AKR1A1: variants seen among roughly 807,000 people sequenced by gnomAD.
The protein encoded by AKR1A1 is aldo-keto reductase family 1 member A1.
In AKR1A1, 26 loss-of-function variants were observed where a neutral mutation model predicts 39.2. The observed-to-expected ratio is 0.66, with a 90% CI of 0.49 to 0.92. The LOEUF (loss-of-function observed/expected upper bound fraction) is 0.92, where lower values mean the gene tolerates loss of function less well. AKR1A1 is among the 40% of genes least tolerant of loss of function. The pLI is 0.00. For synonymous variants in AKR1A1, 141 were observed against 155.5 expected (o/e 0.91, Z 0.69); for missense variants, 378 against 406.5 (o/e 0.93, Z 0.60).
chr1:45,560,937 C>G (rs1279741795), intron 1 of AKR1A1, among the ~76,000 whole-genome samples: 2 of 152,126 alleles, frequency 1.3e-5, no homozygotes, highest in Non-Finnish European at 2.9e-5. Flanking sequence ...CTGAGTTAGC[C>G]AGGATGGTCT....
intron 2 of AKR1A1, 127 bp from the exon 3 acceptor site, chr1:45,566,442 T>G: frequency 7.1e-7 from 1 of 1,402,970 alleles, no homozygotes; most frequent in South Asian, 1.3e-5. Context: ...TTCCATCTTT[T>G]CACCTCCACT....
At chr1:45,565,280 A>C (rs1451354465) in intron 2 of AKR1A1, among the ~76,000 whole-genome samples, 17 of 148,200 alleles carry the variant, frequency 1.1e-4, no homozygotes, top group Non-Finnish European at 2.5e-4. Flanking sequence ...ATAGGCATGC[A>C]CCACCACGCC....
At chr1:45,561,421 T>C (rs1362240830) in intron 1 of AKR1A1, among the ~76,000 whole-genome samples, 2 of 145,486 alleles carry the variant, frequency 1.4e-5, no homozygotes, top group Non-Finnish European at 3.0e-5. Flanking sequence ...TTTGTAGTAG[T>C]GAGACAGAGT....
At chr1:45,565,785 T>G (rs1304779679) in intron 2 of AKR1A1, among the ~76,000 whole-genome samples, 1 of 151,960 alleles carries the variant, frequency 6.6e-6, no homozygotes, top group Admixed American at 6.6e-5. Flanking sequence ...TTAATTTTTT[T>G]TTTTTTTTTA....
chr1:45,557,042 T>C (rs544508662), intron 1 of AKR1A1, among the ~76,000 whole-genome samples: 26 of 150,502 alleles, frequency 1.7e-4, no homozygotes, highest in Non-Finnish European at 3.4e-4. Context: ...ATACAAAAAT[T>C]AGCTGGGCGT....
At chr1:45,568,395 A>T in intron 5 of AKR1A1, 90 bp from the exon 6 acceptor site, 1 of 1,430,084 alleles carries the variant, frequency 7.0e-7, no homozygotes, top group East Asian at 2.3e-5. Flanking sequence ...AGGAGTCAGC[A>T]ATAGGGGGTG....
intron 8 of AKR1A1, 37 bp from the exon 9 acceptor site, chr1:45,569,854 C>A (rs1003120007): frequency 2.5e-6 from 4 of 1,595,602 alleles, no homozygotes; most frequent in Non-Finnish European, 3.4e-6. Context: ...AATGGCAACT[C>A]CTGCTGATGG....
intron 1 of AKR1A1, among the ~76,000 whole-genome samples, chr1:45,554,171 A>T (rs1161429945): frequency 1.3e-5 from 2 of 152,142 alleles, no homozygotes; most frequent in East Asian, 3.9e-4. Context: ...TCACACTTAT[A>T]ATCCCAGCAC....
intron 2 of AKR1A1, among the ~76,000 whole-genome samples, chr1:45,562,094 T>G (rs1288092740): frequency 6.6e-6 from 1 of 152,098 alleles, no homozygotes; most frequent in Non-Finnish European, 1.5e-5. Context: ...TTTCTCTAAC[T>G]GGATCTGCAC....
At chr1:45,562,251 A>G (rs994588427) in intron 2 of AKR1A1, among the ~76,000 whole-genome samples, 5 of 152,108 alleles carry the variant, frequency 3.3e-5, no homozygotes, top group African/African-American at 9.7e-5. Context: ...TGCTCAGTCC[A>G]GAATTAGGCA....
chr1:45,559,579 T>C (rs548081667), intron 1 of AKR1A1, among the ~76,000 whole-genome samples: 84 of 152,068 alleles, frequency 5.5e-4, no homozygotes, highest in African/African-American at 2.0e-3. Flanking sequence ...TTGCCTTTTT[T>C]CCATTAGCTC....
At chr1:45,562,027 C>A in intron 2 of AKR1A1, 149 bp downstream of exon 2, 2 of 760,106 alleles carry the variant, frequency 2.6e-6, no homozygotes, top group Non-Finnish European at 4.3e-6. Flanking sequence ...GCTTCCCCAG[C>A]TGACTCAGAG....
At chr1:45,564,705 A>C (rs1461576271) in intron 2 of AKR1A1, among the ~76,000 whole-genome samples, 1 of 151,916 alleles carries the variant, frequency 6.6e-6, no homozygotes, top group East Asian at 1.9e-4. Context: ...AGCTCCTTAG[A>C]ACCTGGAACT....
intron 4 of AKR1A1, 150 bp downstream of exon 4, chr1:45,567,170 G>T: frequency 1.9e-6 from 2 of 1,054,950 alleles, no homozygotes; most frequent in Non-Finnish European, 2.7e-6. Flanking sequence ...AGCCTCTTCT[G>T]CTACAGCAGC....
intron 8 of AKR1A1, 112 bp downstream of exon 8, chr1:45,569,341 G>A: frequency 1.1e-6 from 1 of 875,148 alleles, no homozygotes; most frequent in Non-Finnish European, 1.9e-6. Flanking sequence ...TGTTGTGGGT[G>A]GGATTGCTAT....
chr1:45,557,360 T>A (rs1644218490), intron 1 of AKR1A1, among the ~76,000 whole-genome samples: 2 of 151,904 alleles, frequency 1.3e-5, no homozygotes, highest in Admixed American at 6.6e-5. Flanking sequence ...CGAGGATGAT[T>A]TTCTGTCCTA....
At chr1:45,555,379 C>T (rs921869228) in intron 1 of AKR1A1, among the ~76,000 whole-genome samples, 19 of 151,714 alleles carry the variant, frequency 1.3e-4, no homozygotes, top group South Asian at 4.2e-4. Flanking sequence ...CCCAGCTACT[C>T]GGGAGTCTGA....
intron 2 of AKR1A1, 79 bp from the exon 3 acceptor site, chr1:45,566,490 C>T: frequency 2.5e-6 from 4 of 1,581,618 alleles, no homozygotes; most frequent in Non-Finnish European, 3.4e-6. Flanking sequence ...GCCCCCTTCC[C>T]CCAGCATTGA....
chr1:45,562,492 C>A (rs1644290773), intron 2 of AKR1A1, among the ~76,000 whole-genome samples: 2 of 149,376 alleles, frequency 1.3e-5, no homozygotes, highest in African/African-American at 2.5e-5. Context: ...CAGGCACACA[C>A]TAACACACGG....
Sources: gnomAD v4.1 joint callset for allele counts (sites outside exome capture counted in the v4.1 genomes callset) on GRCh38, gnomAD v4.1.1 for gene constraint, MANE v1.5 for transcripts, NCBI Gene and HGNC (gene_info 2026-07-23, HGNC 2026-07-21) for gene names.